CA10: variants seen among roughly 807,000 people sequenced by gnomAD.
The protein encoded by CA10 is carbonic anhydrase 10 (inactive).
A neutral mutation model predicts 44.2 loss-of-function variants in CA10; 14 were observed. The observed-to-expected ratio is 0.32, with a 90% CI of 0.21 to 0.50. The LOEUF is 0.50. Among genes scored for constraint, CA10 ranks in the 20% least tolerant of loss-of-function variants. The pLI is 0.99. For synonymous variants in CA10, 159 were observed against 141.6 expected (o/e 1.12, Z -0.87); for missense variants, 350 against 409.7 (o/e 0.85, Z 1.26).
At chr17:52,039,974 C>A (rs1986723355) in intron 2 of CA10, among the ~76,000 whole-genome samples, 1 of 151,902 alleles carries the variant, frequency 6.6e-6, no homozygotes, top group South Asian at 2.1e-4. Context: ...AGAGAAGATT[C>A]CAAAGGATCA....
intron 3 of CA10, among the ~76,000 whole-genome samples, chr17:51,817,821 A>C (rs1013672893): frequency 1.3e-5 from 2 of 152,158 alleles, no homozygotes; most frequent in Admixed American, 6.5e-5. Flanking sequence ...AAGGAAACTG[A>C]GTCACAGAGG....
chr17:51,898,285 A>T (rs72834203), intron 3 of CA10, among the ~76,000 whole-genome samples: 17,712 of 152,138 alleles, frequency 0.12, 1,525 homozygotes, highest in East Asian at 0.41. Context: ...AATTTTATTG[A>T]AAGCCTTTTC....
chr17:51,964,019 C>T lies in CA10; in HGVS notation c.137-32887G>A, dbSNP rs570715353. ...CATCCATCTGTGGTCTTCAAGAGAC[C>T]CATCTCAAACATAAACACACTCATA... On this transcript the variant is annotated intron_variant, in intron 2 of 8. Transcript: ENST00000451037. Among the ~76,000 whole-genome samples, 5 of 152,040 alleles carry T rather than the reference C, an allele frequency of 3.3e-5. No individual in the cohort carries two copies. The East Asian group carries it at 5.8e-4, about 18-fold the overall frequency.
At chr17:51,835,642 G>C (rs1908449973) in intron 3 of CA10, among the ~76,000 whole-genome samples, 1 of 152,182 alleles carries the variant, frequency 6.6e-6, no homozygotes, top group Admixed American at 6.5e-5. Context: ...CCAAGAAATG[G>C]AGCAATGGGA....
chr17:51,819,274 G>T (rs1053118700), intron 3 of CA10, among the ~76,000 whole-genome samples: 3 of 152,118 alleles, frequency 2.0e-5, no homozygotes, highest in African/African-American at 4.8e-5. Flanking sequence ...ATCTCTTGTG[G>T]ATGCCTTCTT....
At chr17:52,006,878 A>C (rs1985617503) in intron 2 of CA10, among the ~76,000 whole-genome samples, 1 of 151,806 alleles carries the variant, frequency 6.6e-6, no homozygotes, top group Non-Finnish European at 1.5e-5. Context: ...TCATTATATT[A>C]ACTTTAGCCA....
At chr17:52,145,787 A>T (rs1377567934) in intron 1 of CA10, among the ~76,000 whole-genome samples, 2 of 152,224 alleles carry the variant, frequency 1.3e-5, no homozygotes, top group Non-Finnish European at 2.9e-5. Context: ...GAATTCAAGC[A>T]CATTACTAGA....
chr17:51,772,325 T>A (rs1380682926), intron 3 of CA10, among the ~76,000 whole-genome samples: 1 of 152,224 alleles, frequency 6.6e-6, no homozygotes, highest in African/African-American at 2.4e-5. Flanking sequence ...AAGTAACAAT[T>A]ATAAAGATAT....
chr17:51,668,253 A>T (rs1914279708), intron 4 of CA10, among the ~76,000 whole-genome samples: 1 of 152,182 alleles, frequency 6.6e-6, no homozygotes, highest in Non-Finnish European at 1.5e-5. Context: ...CATGCCAGCT[A>T]CTGTACCAGG....
At chr17:52,124,708 C>G (rs1989083314) in intron 1 of CA10, among the ~76,000 whole-genome samples, 2 of 152,202 alleles carry the variant, frequency 1.3e-5, no homozygotes, top group African/African-American at 4.8e-5. Flanking sequence ...GCCTCTAAGC[C>G]TTTGCCTATG....
In CA10 at chr17:51,786,407, A is replaced by G. The variant is rs567344968; in HGVS notation, c.280-38589T>C. ...TCTCTATGAAAAATACAAAAATTAG[A>G]CAGGCATGGTGATGTTTGACTTTAA... On this transcript the variant is annotated intron_variant, in intron 3 of 8. Coordinates refer to ENST00000451037, the MANE Select transcript of CA10 (RefSeq NM_020178.5). Among the ~76,000 whole-genome samples, 5 of 152,166 alleles carry G rather than the reference A, an allele frequency of 3.3e-5. No individual in the cohort carries two copies. In the East Asian group the frequency reaches 9.7e-4, roughly 29 times the overall value.
chr17:51,937,313 T>C (rs1194753253), intron 2 of CA10, among the ~76,000 whole-genome samples: 1 of 152,198 alleles, frequency 6.6e-6, no homozygotes, highest in Non-Finnish European at 1.5e-5. Flanking sequence ...TCTTCTCAAC[T>C]GTAATAAATC....
intron 2 of CA10, among the ~76,000 whole-genome samples, chr17:51,992,795 T>G (rs966210815): frequency 6.6e-6 from 1 of 152,042 alleles, no homozygotes; most frequent in African/African-American, 2.4e-5. Flanking sequence ...TAAAAGATAA[T>G]GGATAGATGA....
chr17:51,847,145 C>T (rs931120867), intron 3 of CA10, among the ~76,000 whole-genome samples: 8 of 152,152 alleles, frequency 5.3e-5, no homozygotes, highest in Non-Finnish European at 1.2e-4. Flanking sequence ...GATTCTGAGT[C>T]TCACATCAGC....
chr17:52,152,927 T>A (rs1262437963), intron 1 of CA10, among the ~76,000 whole-genome samples: 2 of 152,064 alleles, frequency 1.3e-5, no homozygotes, highest in African/African-American at 2.4e-5. Flanking sequence ...GTAATGAAGG[T>A]AGAGTCACGT....
chr17:52,014,351 G>A (rs541171734), intron 2 of CA10, among the ~76,000 whole-genome samples: 88 of 151,986 alleles, frequency 5.8e-4, no homozygotes, highest in Non-Finnish European at 1.1e-3. Context: ...GTTGGAATAC[G>A]AAGAACGTGG....
chr17:52,001,974 G>A (rs977638816), intron 2 of CA10, among the ~76,000 whole-genome samples: 4 of 151,858 alleles, frequency 2.6e-5, no homozygotes, highest in African/African-American at 9.7e-5. Context: ...TCCTTTCTAG[G>A]TCAAAAATAA....
chr17:51,970,500 A>G (rs1984242715), intron 2 of CA10, among the ~76,000 whole-genome samples: 1 of 152,010 alleles, frequency 6.6e-6, no homozygotes. Context: ...TAGCTTTCAG[A>G]GAGGAAAAGC....
At chr17:51,932,895 C>T (rs1243615236) in intron 2 of CA10, among the ~76,000 whole-genome samples, 1 of 52,172 alleles carries the variant, frequency 1.9e-5, no homozygotes, top group Non-Finnish European at 3.6e-5. Context: ...CTTGTCTTTT[C>T]TAAACTACTT....
Sources: allele counts gnomAD v4.1 joint callset (sites outside exome capture counted in the v4.1 genomes callset), GRCh38; gene constraint gnomAD v4.1.1; transcripts MANE v1.5; gene names NCBI Gene and HGNC (gene_info 2026-07-23, HGNC 2026-07-21).